Variants in RALYL observed in about 807,000 individuals in gnomAD.
The protein encoded by RALYL is RNA-binding Raly-like protein.
A neutral mutation model predicts 35.1 loss-of-function variants in RALYL; 29 were observed. The observed-to-expected ratio is 0.83, with a 90% CI of 0.61 to 1.13. The LOEUF is 1.13. Ranked by LOEUF, RALYL falls within the 50% of genes most tolerant of loss-of-function variation. RALYL has a pLI of 0.00. For synonymous variants in RALYL, 120 were observed against 127.6 expected, an observed-to-expected ratio of 0.94 and a Z score of 0.40; for missense variants, 359 against 360.4, an observed-to-expected ratio of 1.00 and a Z score of 0.03.
intron 2 of RALYL, among the ~76,000 whole-genome samples, chr8:84,658,656 T>C (rs1267712840): frequency 6.6e-6 from 1 of 152,052 alleles, no homozygotes; most frequent in Non-Finnish European, 1.5e-5. Flanking sequence ...TGATGGTCTC[T>C]CTGCTTGGAG....
intron 2 of RALYL, among the ~76,000 whole-genome samples, chr8:84,741,513 A>G (rs1467446727): frequency 6.6e-6 from 1 of 151,996 alleles, no homozygotes; most frequent in African/African-American, 2.4e-5. Flanking sequence ...AATGCTGTGG[A>G]CTCACATGGC....
At chr8:84,366,480 T>C (rs1854297280) in intron 1 of RALYL, among the ~76,000 whole-genome samples, 1 of 152,024 alleles carries the variant, frequency 6.6e-6, no homozygotes, top group Non-Finnish European at 1.5e-5. Flanking sequence ...AAAAGGATGT[T>C]TAAAAGGTGG....
intron 1 of RALYL, among the ~76,000 whole-genome samples, chr8:84,230,380 T>G (rs957493985): frequency 7.9e-5 from 12 of 152,126 alleles, no homozygotes; most frequent in African/African-American, 2.9e-4. Flanking sequence ...TGATACAAAT[T>G]TATTCAGTTA....
At chr8:84,427,923 G>C (rs1323764001) in intron 1 of RALYL, among the ~76,000 whole-genome samples, 1 of 152,088 alleles carries the variant, frequency 6.6e-6, no homozygotes, top group Non-Finnish European at 1.5e-5. Context: ...ACACTGCCTG[G>C]ATAGAGGAGG....
chr8:84,768,322 A>G (rs1043474281), intron 2 of RALYL, among the ~76,000 whole-genome samples: 8 of 152,108 alleles, frequency 5.3e-5, no homozygotes, highest in African/African-American at 1.9e-4. Context: ...TGAATACCCA[A>G]TTAATCTTGT....
chr8:84,481,486 G>A (rs926413660), intron 1 of RALYL, among the ~76,000 whole-genome samples: 2 of 148,858 alleles, frequency 1.3e-5, no homozygotes, highest in African/African-American at 4.9e-5. Flanking sequence ...TTCCTATTTT[G>A]AAATTTATCA....
intron 1 of RALYL, among the ~76,000 whole-genome samples, chr8:84,422,134 T>A (rs1418785437): frequency 2.1e-5 from 3 of 145,810 alleles, no homozygotes; most frequent in Non-Finnish European, 4.5e-5. Flanking sequence ...TACCAGTTCC[T>A]CCTTGTACCT....
At chr8:84,735,823 A>T (rs920332313) in intron 2 of RALYL, among the ~76,000 whole-genome samples, 23 of 150,200 alleles carry the variant, frequency 1.5e-4, no homozygotes, top group African/African-American at 4.4e-4. Flanking sequence ...AGAGAGAGAG[A>T]GAGAGAGAGA....
intron 1 of RALYL, among the ~76,000 whole-genome samples, chr8:84,371,863 T>G (rs545367952): frequency 1.4e-4 from 22 of 152,214 alleles, no homozygotes; most frequent in Admixed American, 7.2e-4. Context: ...ACAGCACTGA[T>G]GATTTCAGGA....
intron 1 of RALYL, among the ~76,000 whole-genome samples, chr8:84,428,797 A>G (rs2046829196): frequency 6.6e-6 from 1 of 152,124 alleles, no homozygotes; most frequent in Admixed American, 6.5e-5. Context: ...GGTACCCTCT[A>G]CTCTACATTT....
At chr8:84,653,500 G>A (rs555107660) in intron 2 of RALYL, among the ~76,000 whole-genome samples, 12 of 151,982 alleles carry the variant, frequency 7.9e-5, no homozygotes, top group African/African-American at 2.2e-4. Flanking sequence ...CTCTCATAGG[G>A]CCTTTGCAAT....
intron 7 of RALYL, among the ~76,000 whole-genome samples, chr8:84,874,655 G>A (rs1478345483): frequency 6.6e-6 from 1 of 152,200 alleles, no homozygotes; most frequent in African/African-American, 2.4e-5. Context: ...GCCATACAGG[G>A]CTCAAGAATG....
chr8:84,615,356 A>G (rs1056828153), intron 2 of RALYL, among the ~76,000 whole-genome samples: 5 of 150,732 alleles, frequency 3.3e-5, no homozygotes, highest in African/African-American at 1.2e-4. Flanking sequence ...AAAAAAACAG[A>G]ACGTCCTTAT....
chr8:84,506,953 G>A (rs1195362949), intron 1 of RALYL, among the ~76,000 whole-genome samples: 1 of 152,052 alleles, frequency 6.6e-6, no homozygotes, highest in East Asian at 1.9e-4. Flanking sequence ...ACCATAAATT[G>A]TATGTATTTA....
At chr8:84,628,972 A>T (rs558995059) in intron 2 of RALYL, among the ~76,000 whole-genome samples, 1 of 152,074 alleles carries the variant, frequency 6.6e-6, no homozygotes, top group African/African-American at 2.4e-5. Flanking sequence ...AATAACTGCC[A>T]TTATAGACAT....
intron 4 of RALYL, among the ~76,000 whole-genome samples, chr8:84,845,277 A>G (rs1007713383): frequency 1.3e-5 from 2 of 152,234 alleles, no homozygotes; most frequent in African/African-American, 4.8e-5. Context: ...CATTTCTGCT[A>G]CACAGTAAAT....
rs534257954 is a variant in RALYL at position 84,766,684 on chromosome 8, A to T, written c.257-7895A>T. Among the ~76,000 whole-genome samples, 1,061 of 137,226 alleles carry T rather than the reference A, an allele frequency of 7.7e-3. 21 individuals carry two copies. Among genetic ancestry groups the T allele is most frequent in the African/African-American group, 0.028 (1,003 of 36,272 alleles). The allele number at this position is 137,226 out of a possible 152,430, so 90.0% of individuals were successfully genotyped here. ...GGTTGCAGTGAGCTGAGATCGCGCC[A>T]CTGCACTCCAGCCTGGCGACAGAGT... On this transcript the variant is annotated intron_variant, in intron 2 of 8. Coordinates refer to ENST00000521268, the MANE Select transcript of RALYL (RefSeq NM_173848.7).
chr8:84,209,207 T>A lies in RALYL; in HGVS notation c.-24+24783T>A, dbSNP rs1013215568. Reference sequence around the variant, plus strand: ...AGAAGCCTATTTTTAGGAGGTATTGTCTTGCTGATATTCCCTGATGTCCAA... The same window carrying A: ...AGAAGCCTATTTTTAGGAGGTATTGACTTGCTGATATTCCCTGATGTCCAA... On this transcript the variant is annotated intron_variant, in intron 1 of 8. Coordinates refer to ENST00000521268, the MANE Select transcript of RALYL (RefSeq NM_173848.7). Among the ~76,000 whole-genome samples the A allele has an allele frequency of 2.6e-5, 4 of 151,714 alleles. No individual in the cohort carries two copies. The East Asian group carries it at 5.8e-4, about 22-fold the overall frequency.
intron 1 of RALYL, among the ~76,000 whole-genome samples, chr8:84,341,810 T>C (rs544206021): frequency 6.6e-6 from 1 of 152,110 alleles, no homozygotes; most frequent in African/African-American, 2.4e-5. Flanking sequence ...TTCACCCATC[T>C]AGAAGTCACT....
Sources: allele counts gnomAD v4.1 joint callset (sites outside exome capture counted in the v4.1 genomes callset), GRCh38; gene constraint gnomAD v4.1.1; transcripts MANE v1.5; gene names NCBI Gene and HGNC (gene_info 2026-07-23, HGNC 2026-07-21).